Variants in PLVAP observed in about 807,000 individuals in gnomAD.
The protein encoded by PLVAP is plasmalemma vesicle-associated protein.
A neutral mutation model predicts 43.1 loss-of-function variants in PLVAP; 34 were observed. The ratio of observed to expected loss-of-function variants is 0.79; its 90% CI spans 0.60 to 1.05. The LOEUF (loss-of-function observed/expected upper bound fraction) is 1.05. Ranked by LOEUF, PLVAP falls within the 50% of genes least tolerant of loss-of-function variation. PLVAP has a pLI of 0.00. For missense variants in PLVAP, 574 were observed against 593.4 expected (o/e 0.97, Z 0.34); for synonymous variants, 241 against 237.3 (o/e 1.02, Z -0.14).
chr19:17,375,838 G>C (rs1208736544), intron 1 of PLVAP, among the ~76,000 whole-genome samples: 2 of 149,176 alleles, frequency 1.3e-5, no homozygotes, highest in African/African-American at 5.0e-5. Context: ...GCGAGATTGT[G>C]CCACTGCACT....
intron 3 of PLVAP, among the ~76,000 whole-genome samples, chr19:17,364,856 TC>T (rs2074542210): frequency 7.8e-6 from 1 of 128,724 alleles, no homozygotes; most frequent in African/African-American, 3.0e-5. Context: ...CACTGCAACC[TC>T]CACCTCCCGG....
Position 17,365,991 on chromosome 19 carries a change from G to C in PLVAP, c.474C>G (p.Leu158=), listed in dbSNP as rs1335491726. 1.2e-6 allele frequency: 2 copies of C among 1,612,918 alleles called. No homozygotes were observed. Among genetic ancestry groups the C allele is most frequent in the Non-Finnish European group, 1.7e-6 (2 of 1,179,046 alleles). The stretch of plus-strand genomic sequence containing the variant: ...TCTTCACCTTCTGATTCAGCATGAA[G>C]AGCAAGGCTAAGGAAAACAGGACCA... ...KDMNKSCDAL[L]FMLNQKVKTL... is the part of the protein sequence containing the mutation. Residue 158 remains leucine, a synonymous_variant, in exon 3 of 6, where the codon CTC becomes CTG. Transcript: ENST00000252590.
In PLVAP at chr19:17,354,596, C is replaced by CA. The variant is rs33950167; in HGVS notation, c.1323-2229dup. Among the ~76,000 whole-genome samples, 64 of 85,540 alleles carry CA rather than the reference C, an allele frequency of 7.5e-4. No individual in the cohort carries two copies. In the East Asian group the frequency reaches 0.014, roughly 19 times the overall value. The allele number at this position is 85,540 out of a possible 152,430, so 56.1% of individuals were successfully genotyped here. ...TGGAAAACAGAGCGAGACTCTGTCT[C>CA]AAAAAAAAAAAAAAAAAAAGGGCCG... On this transcript the variant is annotated intron_variant, in intron 5 of 5. Transcript: ENST00000252590.
At chr19:17,375,568 T>C (rs560290245) in intron 1 of PLVAP, among the ~76,000 whole-genome samples, 1 of 151,148 alleles carries the variant, frequency 6.6e-6, no homozygotes, top group East Asian at 2.0e-4. Context: ...AGTGAGATTC[T>C]GTCTCTAAAA....
chr19:17,363,304 T>A (rs2074535306), intron 3 of PLVAP, among the ~76,000 whole-genome samples: 1 of 151,994 alleles, frequency 6.6e-6, no homozygotes, highest in African/African-American at 2.4e-5. Context: ...GCAGCTGGGA[T>A]AACAGGTGTC....
chr19:17,360,379 C>T, intron 5 of PLVAP, 149 bp downstream of exon 5: 2 of 778,042 alleles, frequency 2.6e-6, no homozygotes, highest in South Asian at 1.6e-5. Flanking sequence ...CTGTGTCCCT[C>T]ACGCCCAACC....
chr19:17,352,162 T>TGCTCTGGGTG lies in PLVAP; in HGVS notation c.*190_*199dup. The stretch of plus-strand genomic sequence containing the variant: ...GCGTGACGTCATCTCCGCGGCCGTG[T>TGCTCTGGGTG]GCTCTGGGTGAGGGATCGTGAGGCG... On this transcript the variant is annotated 3_prime_UTR_variant, in exon 6 of 6. Transcript: ENST00000252590. 1.5e-6 allele frequency: 1 copy of TGCTCTGGGTG among 667,170 alleles called. No homozygotes were observed. The highest frequency in any genetic ancestry group is 2.6e-6 in the Non-Finnish European group (1 of 391,196). 41.3% of individuals were successfully genotyped at this position (667,170 alleles called of 1,614,324 possible). A position where few individuals can be genotyped will look rare whatever the true frequency, so the allele number is the denominator to read the frequency against.
At chr19:17,364,286 G>C (rs891512000) in intron 3 of PLVAP, among the ~76,000 whole-genome samples, 8 of 151,814 alleles carry the variant, frequency 5.3e-5, no homozygotes, top group Admixed American at 5.3e-4. Context: ...AGGTTTCACC[G>C]TGTTGCCCAG....
intron 1 of PLVAP, among the ~76,000 whole-genome samples, chr19:17,369,719 G>A (rs1245946516): frequency 1.3e-5 from 2 of 150,286 alleles, no homozygotes; most frequent in Admixed American, 6.6e-5. Flanking sequence ...ATTCAAAATC[G>A]GCTGGGCGCG....
chr19:17,355,709 T>C (rs1338562674), intron 5 of PLVAP, among the ~76,000 whole-genome samples: 1 of 151,868 alleles, frequency 6.6e-6, no homozygotes, highest in Non-Finnish European at 1.5e-5. Context: ...TAATTTTTTG[T>C]ATTTTTAGTA....
chr19:17,359,126 A>T (rs57817452), intron 5 of PLVAP, among the ~76,000 whole-genome samples: 4,585 of 148,382 alleles, frequency 0.031, 141 homozygotes, highest in East Asian at 0.094. Flanking sequence ...TATTATTTTT[A>T]TTTTTATTTT....
At chr19:17,353,774 C>T (rs1443521712) in intron 5 of PLVAP, among the ~76,000 whole-genome samples, 1 of 152,154 alleles carries the variant, frequency 6.6e-6, no homozygotes, top group Non-Finnish European at 1.5e-5. Context: ...CTTGAGTGAC[C>T]CGTTCATCTA....
chr19:17,360,638 C>T (rs2074524174), intron 4 of PLVAP, 29 bp from the exon 5 acceptor site: 1 of 1,599,674 alleles, frequency 6.3e-7, no homozygotes, highest in African/African-American at 1.3e-5. Flanking sequence ...GAGGCTTGAC[C>T]TACAGCTTCA....
At chr19:17,356,670 TA>T (rs2074507860) in intron 5 of PLVAP, among the ~76,000 whole-genome samples, 1 of 150,974 alleles carries the variant, frequency 6.6e-6, no homozygotes, top group Non-Finnish European at 1.5e-5. Context: ...TTAGAAGGAA[TA>T]AGAGTGGGTC....
chr19:17,358,378 C>T (rs1335352695), intron 5 of PLVAP, among the ~76,000 whole-genome samples: 1 of 152,160 alleles, frequency 6.6e-6, no homozygotes, highest in Non-Finnish European at 1.5e-5. Context: ...CATATTAGCC[C>T]TCTGAGGCTG....
chr19:17,376,892 A>G, intron 1 of PLVAP, 28 bp downstream of exon 1: 1 of 1,591,686 alleles, frequency 6.3e-7, no homozygotes. Context: ...CAGGGTCCCC[A>G]GGGCGAGTGT....
At chr19:17,359,251 C>G (rs1406079656) in intron 5 of PLVAP, among the ~76,000 whole-genome samples, 1 of 140,558 alleles carries the variant, frequency 7.1e-6, no homozygotes, top group Non-Finnish European at 1.6e-5. Context: ...TACAGGTGCC[C>G]ACCACCACAC....
At chr19:17,369,178 G>GTT (rs928990711) in intron 1 of PLVAP, among the ~76,000 whole-genome samples, 1 of 143,390 alleles carries the variant, frequency 7.0e-6, no homozygotes, top group Admixed American at 6.9e-5. Flanking sequence ...ACCTTTTTTT[G>GTT]TTTTTTTTTT....
chr19:17,366,094 C>G lies in PLVAP; in HGVS notation c.466+5G>C. 6.2e-7 allele frequency: 1 copy of G among 1,614,134 alleles called. No homozygotes were observed. The highest frequency in any genetic ancestry group is 8.5e-7 in the Non-Finnish European group (1 of 1,179,994). On this transcript the variant is annotated splice_donor_5th_base_variant and intron_variant, in intron 2 of 5. Coordinates refer to ENST00000252590, the MANE Select transcript of PLVAP (RefSeq NM_031310.3). The stretch of plus-strand genomic sequence containing the variant: ...ACCCCGGCTCCCTGCAGCCTTAGCA[C>G]TCACCATCGCAGCTCTTGTTCATGT...
Sources: allele counts gnomAD v4.1 joint callset (sites outside exome capture counted in the v4.1 genomes callset), GRCh38; gene constraint gnomAD v4.1.1; transcripts MANE v1.5; gene names NCBI Gene and HGNC (gene_info 2026-07-23, HGNC 2026-07-21).